Variants in OR14A2 observed in about 807,000 individuals in gnomAD.
OR14A2 encodes olfactory receptor family 14 subfamily A member 2, also known as olfactory receptor 14A2.
For missense variants in OR14A2, 237 were observed against 152.9 expected, an observed-to-expected ratio of 1.55 and a Z score of -2.90; for synonymous variants, 114 against 58.6, an observed-to-expected ratio of 1.95 and a Z score of -4.32.
the OR14A2 span, among the ~76,000 whole-genome samples, chr1:247,730,458 C>T: frequency 6.6e-6 from 1 of 151,914 alleles, no homozygotes; most frequent in Non-Finnish European, 1.5e-5. Flanking sequence ...TGTTTTATTT[C>T]CTCTTTCTTT....
At chr1:247,746,691 G>A in the OR14A2 span, 2 of 152,196 alleles carry the variant, frequency 1.3e-5, no homozygotes, top group Non-Finnish European at 2.9e-5. Flanking sequence ...GAGCATTGAT[G>A]TAAGTTATAT....
At chr1:247,739,745 A>T in the OR14A2 span, among the ~76,000 whole-genome samples, 577 of 116,964 alleles carry the variant, frequency 4.9e-3, 3 homozygotes, top group East Asian at 0.014. Context: ...TTTTTTTTTT[A>T]AAATTTTGAG....
chr1:247,736,840 C>T, the OR14A2 span, among the ~76,000 whole-genome samples: 1 of 152,206 alleles, frequency 6.6e-6, no homozygotes, highest in Non-Finnish European at 1.5e-5. Context: ...TGTTATGAGT[C>T]AGGCTCTCCA....
chr1:247,743,588 C>G, the OR14A2 span, among the ~76,000 whole-genome samples: 4 of 152,148 alleles, frequency 2.6e-5, no homozygotes, highest in Non-Finnish European at 4.4e-5. Flanking sequence ...ATTTAAGATG[C>G]ATTTCATTCA....
the OR14A2 span, among the ~76,000 whole-genome samples, chr1:247,737,993 G>C: frequency 6.6e-6 from 1 of 152,128 alleles, no homozygotes; most frequent in East Asian, 1.9e-4. Context: ...TGAAAATAAC[G>C]AGTACTTTTT....
the OR14A2 span, among the ~76,000 whole-genome samples, chr1:247,736,858 T>C: frequency 5.5e-4 from 84 of 152,344 alleles, no homozygotes; most frequent in Non-Finnish European, 1.0e-3. Flanking sequence ...CCATTATTGC[T>C]CTAAAGCTAG....
chr1:247,738,768 C>CA, the OR14A2 span: 1 of 780,724 alleles, frequency 1.3e-6, no homozygotes, highest in Admixed American at 1.7e-5. Flanking sequence ...TCTGGACCAT[C>CA]GTCTCCACAT....
the OR14A2 span, among the ~76,000 whole-genome samples, chr1:247,742,428 A>G: frequency 6.6e-6 from 1 of 151,592 alleles, no homozygotes; most frequent in Non-Finnish European, 1.5e-5. Context: ...GTAATCTGAC[A>G]TCACAAGATT....
At chr1:247,747,951 A>T in the OR14A2 span, among the ~76,000 whole-genome samples, 1 of 152,014 alleles carries the variant, frequency 6.6e-6, no homozygotes, top group Non-Finnish European at 1.5e-5. Flanking sequence ...GACCTTCTAT[A>T]CTCACTGTAA....
upstream of OR14A2, among the ~76,000 whole-genome samples, chr1:247,728,140 A>G (rs1660425509): frequency 1.3e-5 from 2 of 151,968 alleles, no homozygotes; most frequent in Admixed American, 6.5e-5. Context: ...TTTTAGACCA[A>G]TATCCTTGAT....
At chr1:247,736,632 A>G in the OR14A2 span, among the ~76,000 whole-genome samples, 1 of 152,170 alleles carries the variant, frequency 6.6e-6, no homozygotes, top group Non-Finnish European at 1.5e-5. Flanking sequence ...GGTGGAAGGA[A>G]CTCAAAAGGA....
chr1:247,738,394 A>G, the OR14A2 span, among the ~76,000 whole-genome samples: 1 of 152,164 alleles, frequency 6.6e-6, no homozygotes, highest in Non-Finnish European at 1.5e-5. Context: ...TTTCACAATA[A>G]ATCTTAGTCC....
the OR14A2 span, among the ~76,000 whole-genome samples, chr1:247,747,896 T>G: frequency 6.6e-6 from 1 of 152,162 alleles, no homozygotes; most frequent in Non-Finnish European, 1.5e-5. Context: ...CCTCTCTTCT[T>G]GAGGTCTCCA....
the OR14A2 span, among the ~76,000 whole-genome samples, chr1:247,744,284 A>G: frequency 2.0e-5 from 3 of 152,184 alleles, no homozygotes; most frequent in Non-Finnish European, 4.4e-5. The surrounding 1 kb of genome is among the most constrained non-coding windows in gnomAD (Gnocchi z 4.3). Context: ...ACACATATAC[A>G]TGTGATAGCT....
the OR14A2 span, among the ~76,000 whole-genome samples, chr1:247,731,120 T>G: frequency 2.6e-5 from 4 of 152,258 alleles, no homozygotes; most frequent in South Asian, 8.3e-4. Context: ...AAGATCTTAC[T>G]TCAGTGTTTC....
chr1:247,724,678 G>T (rs1051288591), upstream of OR14A2, among the ~76,000 whole-genome samples: 1 of 152,000 alleles, frequency 6.6e-6, no homozygotes, highest in Non-Finnish European at 1.5e-5. Context: ...ATCTCACTTA[G>T]TGTAGAAATA....
chr1:247,728,956 T>G (rs1316651862), upstream of OR14A2, among the ~76,000 whole-genome samples: 2 of 152,118 alleles, frequency 1.3e-5, no homozygotes, highest in South Asian at 2.1e-4. Flanking sequence ...TGGTTCCATC[T>G]CTAGACTTTT....
At chr1:247,725,485 T>TTTTATTTATTTA (rs539862993), upstream of OR14A2, among the ~76,000 whole-genome samples, 2 of 149,860 alleles carry the variant, frequency 1.3e-5, no homozygotes, top group African/African-American at 5.0e-5. Flanking sequence ...ATCTACAAGA[T>TTTTATTTATTTA]TTTATTTATT....
chr1:247,723,474 T>C (rs919487429), exon 1 of OR14A2: 11 of 717,616 alleles, frequency 1.5e-5, no homozygotes, highest in Non-Finnish European at 2.1e-5. Context: ...TTACCATTAG[T>C]GTTTCAGAAC....
Sources: allele counts gnomAD v4.1 joint callset (sites outside exome capture counted in the v4.1 genomes callset), GRCh38; gene constraint gnomAD v4.1.1; non-coding constraint Gnocchi (gnomAD v3.1); transcripts MANE v1.5; gene names NCBI Gene and HGNC (gene_info 2026-07-23, HGNC 2026-07-21).